CSMD1: variants seen among roughly 807,000 people sequenced by gnomAD.
CSMD1 encodes CUB and sushi domain-containing protein 1.
CSMD1 carries 213 observed loss-of-function variants against 417.5 expected under a neutral mutation model. The observed-to-expected ratio is 0.51, with a 90% CI of 0.46 to 0.57. The LOEUF (loss-of-function observed/expected upper bound fraction) is 0.57. CSMD1 is among the 20% of genes least tolerant of loss of function. The pLI, the probability that CSMD1 is intolerant of heterozygous loss-of-function variation, is 0.00. For missense variants in CSMD1, 6,923 were observed against 4,529.7 expected (o/e 1.53, Z -15.17); for synonymous variants, 2,862 against 1,736.8 (o/e 1.65, Z -16.11).
chr8:3,806,096 A>T (rs1030813640), intron 5 of CSMD1, among the ~76,000 whole-genome samples: 1 of 152,172 alleles, frequency 6.6e-6, no homozygotes, highest in Non-Finnish European at 1.5e-5. Flanking sequence ...GTGGTCTCCA[A>T]TATGCCTTTT....
intron 6 of CSMD1, among the ~76,000 whole-genome samples, chr8:3,739,938 A>G (rs1018701004): frequency 1.3e-5 from 2 of 152,224 alleles, no homozygotes; most frequent in African/African-American, 4.8e-5. Flanking sequence ...TAAAAATTAC[A>G]GAGAAACTAA....
At chr8:4,032,915 A>G (rs1476837490) in intron 3 of CSMD1, among the ~76,000 whole-genome samples, 1 of 152,098 alleles carries the variant, frequency 6.6e-6, no homozygotes, top group Non-Finnish European at 1.5e-5. Context: ...ATGCCTCATT[A>G]TACTCTCTTC....
In CSMD1 at chr8:4,722,243, A is replaced by T. The variant is rs1472363604; in HGVS notation, c.86-84685T>A. Among the ~76,000 whole-genome samples, 7 of 152,270 alleles carry T rather than the reference A, an allele frequency of 4.6e-5. No individual in the cohort carries two copies. In the East Asian group the frequency reaches 1.4e-3, roughly 29 times the overall value. ...TGCTTTGCTTGAGTACACTTATTTG[A>T]CTATGCATATCAAGCTATCATATTA... On this transcript the variant is annotated intron_variant, in intron 1 of 69. Coordinates refer to ENST00000635120, the MANE Select transcript of CSMD1 (RefSeq NM_033225.6).
At chr8:4,063,970 G>C (rs1479550376) in intron 3 of CSMD1, among the ~76,000 whole-genome samples, 3 of 152,250 alleles carry the variant, frequency 2.0e-5, no homozygotes, top group East Asian at 1.9e-4. Flanking sequence ...AACAAAAAGA[G>C]AGTGTGTGTT....
intron 2 of CSMD1, among the ~76,000 whole-genome samples, chr8:4,580,398 G>A (rs1038465996): frequency 3.3e-5 from 5 of 152,052 alleles, no homozygotes; most frequent in Non-Finnish European, 5.9e-5. Flanking sequence ...GTTGTGTATC[G>A]TGTAACACAA....
intron 8 of CSMD1, among the ~76,000 whole-genome samples, chr8:3,600,405 T>C (rs141623901): frequency 1.3e-5 from 2 of 152,316 alleles, no homozygotes; most frequent in Admixed American, 6.5e-5. Flanking sequence ...CCCTAGAATA[T>C]GAATACAGAA....
chr8:4,268,608 C>T (rs143872934), intron 3 of CSMD1, among the ~76,000 whole-genome samples: 29 of 152,200 alleles, frequency 1.9e-4, no homozygotes, highest in African/African-American at 7.0e-4. Flanking sequence ...GCAAGAGTAG[C>T]TATGGGATTA....
At chr8:4,796,625 G>A (rs1036013948) in intron 1 of CSMD1, among the ~76,000 whole-genome samples, 3 of 152,084 alleles carry the variant, frequency 2.0e-5, no homozygotes, top group African/African-American at 4.8e-5. Context: ...GCAAACACAG[G>A]TGGCATACCC....
At chr8:4,861,901 A>G (rs1049991339) in intron 1 of CSMD1, among the ~76,000 whole-genome samples, 7 of 152,086 alleles carry the variant, frequency 4.6e-5, no homozygotes, top group African/African-American at 1.7e-4. Flanking sequence ...GAACCTGAAG[A>G]ACTTTCCACT....
chr8:4,454,695 C>T (rs1454707089), intron 2 of CSMD1, among the ~76,000 whole-genome samples: 1 of 152,132 alleles, frequency 6.6e-6, no homozygotes, highest in Non-Finnish European at 1.5e-5. Flanking sequence ...TACATAGCAG[C>T]TAATCAACCT....
At chr8:4,282,078 G>C (rs979515890) in intron 3 of CSMD1, among the ~76,000 whole-genome samples, 1 of 152,054 alleles carries the variant, frequency 6.6e-6, no homozygotes, top group Non-Finnish European at 1.5e-5. Flanking sequence ...AGCATCCAAG[G>C]GAAAACATTC....
At chr8:3,179,133 T>TACGGGGTG (rs887775379) in intron 37 of CSMD1, among the ~76,000 whole-genome samples, 3 of 149,286 alleles carry the variant, frequency 2.0e-5, no homozygotes, top group African/African-American at 7.5e-5. Context: ...TTTTAGTAGA[T>TACGGGGTG]ACGGGGTTTC....
At chr8:3,658,437 A>T (rs1330673131) in intron 7 of CSMD1, among the ~76,000 whole-genome samples, 2 of 143,198 alleles carry the variant, frequency 1.4e-5, no homozygotes, top group Non-Finnish European at 1.5e-5. Context: ...TTAATGAGCA[A>T]GCACATATAT....
chr8:3,571,786 T>C (rs945824062), intron 10 of CSMD1, among the ~76,000 whole-genome samples: 5 of 151,966 alleles, frequency 3.3e-5, no homozygotes, highest in Non-Finnish European at 7.4e-5. Flanking sequence ...CACCACTCCA[T>C]GGTGTCTGCT....
intron 3 of CSMD1, among the ~76,000 whole-genome samples, chr8:4,231,907 G>A (rs1265362015): frequency 1.4e-5 from 2 of 147,210 alleles, no homozygotes; most frequent in Non-Finnish European, 3.0e-5. Flanking sequence ...TAAAATTTCT[G>A]AATCTCATAC....
chr8:3,205,508 T>G lies in CSMD1; in HGVS notation c.4980A>C (p.Glu1660Asp). 1 of 1,497,674 alleles carries G rather than the reference T, an allele frequency of 6.7e-7. No individual in the cohort carries two copies. 92.8% of individuals were successfully genotyped at this position (1,497,674 alleles called of 1,614,324 possible). A position where few individuals can be genotyped will look rare whatever the true frequency, so the allele number is the denominator to read the frequency against. The change falls in exon 31 of 70, where the codon GAA becomes GAC. Residue 1660 changes from glutamate to aspartate, a missense_variant. Glu to Asp is a conservative substitution (Grantham distance 45, BLOSUM62 2). Coordinates refer to ENST00000635120, the MANE Select transcript of CSMD1 (RefSeq NM_033225.6). ...ICLYSITVPK[E>D]FVVFGQFAYF... The stretch of plus-strand genomic sequence containing the variant: ...AAAATACAAGGACATCCTTACCGAA[T>G]TCCTTTGGTACCGTGATGGAATAGA...
At chr8:3,551,850 A>G (rs895951695) in intron 10 of CSMD1, among the ~76,000 whole-genome samples, 2 of 152,106 alleles carry the variant, frequency 1.3e-5, no homozygotes, top group Non-Finnish European at 2.9e-5. Context: ...TAGCTACTGA[A>G]AGATGAGGCT....
At chr8:4,944,534 A>C (rs1173369753) in intron 1 of CSMD1, among the ~76,000 whole-genome samples, 1 of 152,224 alleles carries the variant, frequency 6.6e-6, no homozygotes, top group Non-Finnish European at 1.5e-5. Flanking sequence ...ACTCAGAGGC[A>C]GTTACTAAAA....
chr8:4,335,696 T>C (rs571827191), intron 3 of CSMD1, among the ~76,000 whole-genome samples: 2 of 152,226 alleles, frequency 1.3e-5, no homozygotes, highest in Admixed American at 6.5e-5. Context: ...TGTTACAGAA[T>C]ATAGTGTTTC....
Sources: allele counts gnomAD v4.1 joint callset (sites outside exome capture counted in the v4.1 genomes callset), GRCh38; gene constraint gnomAD v4.1.1; transcripts MANE v1.5; gene names NCBI Gene and HGNC (gene_info 2026-07-23, HGNC 2026-07-21).